PEAK1: variants seen among roughly 807,000 people sequenced by gnomAD.
The protein encoded by PEAK1 is pseudopodium enriched atypical kinase 1.
Under a neutral mutation model 124.7 loss-of-function variants are expected in PEAK1, and 54 were observed. The observed-to-expected ratio is 0.43, with a 90% CI of 0.35 to 0.54. The LOEUF is 0.54. Ranked by LOEUF, PEAK1 falls within the 20% of genes least tolerant of loss-of-function variation. The pLI is 0.01. For synonymous variants in PEAK1, 719 were observed against 760.0 expected (o/e 0.95, Z 0.89); for missense variants, 2,046 against 2,134.5 (o/e 0.96, Z 0.82).
At chr15:77,291,976 C>CAA (rs34817180) in intron 2 of PEAK1, among the ~76,000 whole-genome samples, 1 of 107,624 alleles carries the variant, frequency 9.3e-6, no homozygotes, top group African/African-American at 3.6e-5. Context: ...GACTCCGTCT[C>CAA]AAAAAAAAAA....
At chr15:77,373,299 C>G (rs2068775760) in intron 1 of PEAK1, among the ~76,000 whole-genome samples, 1 of 152,094 alleles carries the variant, frequency 6.6e-6, no homozygotes, top group African/African-American at 2.4e-5. Context: ...TTATGGAAGT[C>G]TTCCCTGGTT....
At chr15:77,337,722 A>C (rs562306814) in intron 2 of PEAK1, 1 of 985,368 alleles carries the variant, frequency 1.0e-6, no homozygotes, top group African/African-American at 1.7e-5. Context: ...ATTATAGCAC[A>C]GTTATGAACA....
chr15:77,158,733 G>C (rs748083959), intron 7 of PEAK1, 37 bp from the exon 8 acceptor site: 114 of 1,594,190 alleles, frequency 7.2e-5, no homozygotes, highest in Non-Finnish European at 9.6e-5. Flanking sequence ...ACTGGTATTG[G>C]AAGGTTCTAC....
chr15:77,381,402 G>T, intron 1 of PEAK1: 1 of 872,216 alleles, frequency 1.1e-6, no homozygotes, highest in African/African-American at 1.8e-5. Context: ...CTTCAGTTTG[G>T]GCAACATAGT....
chr15:77,413,272 A>T (rs763734042), intron 1 of PEAK1, among the ~76,000 whole-genome samples: 29 of 152,234 alleles, frequency 1.9e-4, no homozygotes, highest in Non-Finnish European at 2.5e-4. Context: ...CCCTCCAGGA[A>T]GTGGAGTTTA....
intron 1 of PEAK1, among the ~76,000 whole-genome samples, chr15:77,415,514 G>T (rs538213689): frequency 2.0e-5 from 3 of 152,230 alleles, no homozygotes; most frequent in African/African-American, 7.2e-5. Context: ...TCCTGCCCCA[G>T]CCTACTGAGT....
chr15:77,169,406 A>C (rs2056348695), intron 7 of PEAK1, among the ~76,000 whole-genome samples: 1 of 152,246 alleles, frequency 6.6e-6, no homozygotes, highest in African/African-American at 2.4e-5. Flanking sequence ...TTAACATGCA[A>C]GTAACTACGG....
At chr15:77,165,236 C>A (rs2152798668) in intron 7 of PEAK1, among the ~76,000 whole-genome samples, 1 of 150,764 alleles carries the variant, frequency 6.6e-6, no homozygotes, top group East Asian at 2.0e-4. Context: ...GCTCTGTGGC[C>A]CAGGCCGGAG....
intron 8 of PEAK1, among the ~76,000 whole-genome samples, chr15:77,147,349 G>A: frequency 6.6e-6 from 1 of 152,240 alleles, no homozygotes; most frequent in Non-Finnish European, 1.5e-5. Flanking sequence ...AGGATGTTGG[G>A]ATGCAGAAAG....
At chr15:77,226,062 T>TATATATATATA (rs1567137610) in intron 6 of PEAK1, among the ~76,000 whole-genome samples, 6 of 122,310 alleles carry the variant, frequency 4.9e-5, no homozygotes, top group African/African-American at 1.5e-4. Flanking sequence ...TATATATATA[T>TATATATATATA]ATATATATAT....
At chr15:77,309,375 C>T (rs2064297152) in intron 2 of PEAK1, among the ~76,000 whole-genome samples, 1 of 151,870 alleles carries the variant, frequency 6.6e-6, no homozygotes, top group African/African-American at 2.4e-5. Flanking sequence ...GAAGGAATGA[C>T]ATATAAGGCT....
At chr15:77,335,504 A>G (rs1043562421) in intron 2 of PEAK1, 1 of 984,958 alleles carries the variant, frequency 1.0e-6, no homozygotes, top group Non-Finnish European at 1.2e-6. Context: ...TTCAAGAGAC[A>G]GGGTCTGGCT....
At chr15:77,351,594 T>C in intron 2 of PEAK1, 1 of 532,694 alleles carries the variant, frequency 1.9e-6, no homozygotes, top group Non-Finnish European at 2.4e-6. Context: ...TGAGCCCGTA[T>C]GCTCAGGCCC....
chr15:77,248,454 T>C lies in PEAK1; in HGVS notation c.-115+3913A>G, dbSNP rs867993471. Reference sequence around the variant, plus strand: ...ATGCTGAAACCTAATCCCCAATGTGTTGTCATTTTGAGGTGGAGCCTTTGG... The same window carrying C: ...ATGCTGAAACCTAATCCCCAATGTGCTGTCATTTTGAGGTGGAGCCTTTGG... On this transcript the variant is annotated intron_variant, in intron 6 of 9. Coordinates refer to ENST00000682557, the MANE Select transcript of PEAK1 (RefSeq NM_001385026.1). Among the ~76,000 whole-genome samples, 12 of 152,348 alleles carry C rather than the reference T, an allele frequency of 7.9e-5. 1 individual carries two copies. In the Middle Eastern group the frequency reaches 0.014, roughly 173 times the overall value.
intron 8 of PEAK1, among the ~76,000 whole-genome samples, chr15:77,147,733 C>G (rs574948540): frequency 3.3e-5 from 5 of 152,256 alleles, no homozygotes; most frequent in African/African-American, 1.2e-4. Context: ...GTAAAATCAT[C>G]ATTCTGTGAG....
At chr15:77,383,381 G>A (rs933879985) in intron 1 of PEAK1, among the ~76,000 whole-genome samples, 1 of 152,154 alleles carries the variant, frequency 6.6e-6, no homozygotes, top group African/African-American at 2.4e-5. Context: ...TAGGAAATCT[G>A]CCTTGAGAAG....
At chr15:77,129,968 C>A (rs35258007) in intron 9 of PEAK1, among the ~76,000 whole-genome samples, 13,280 of 152,180 alleles carry the variant, frequency 0.087, 650 homozygotes, top group Non-Finnish European at 0.1. Context: ...GCACTTCTGG[C>A]AATACCAGAG....
chr15:77,193,285 T>C (rs1185418353), intron 6 of PEAK1, among the ~76,000 whole-genome samples: 1 of 152,234 alleles, frequency 6.6e-6, no homozygotes, highest in African/African-American at 2.4e-5. Context: ...GCACCTTTTA[T>C]AGTTTCATTT....
intron 1 of PEAK1, chr15:77,371,552 C>G: frequency 1.3e-6 from 1 of 791,938 alleles, no homozygotes; most frequent in Non-Finnish European, 1.5e-6. Flanking sequence ...ATCATCATGA[C>G]ATTTTTTTCT....
Sources: allele counts gnomAD v4.1 joint callset (sites outside exome capture counted in the v4.1 genomes callset), GRCh38; gene constraint gnomAD v4.1.1; transcripts MANE v1.5; gene names NCBI Gene and HGNC (gene_info 2026-07-23, HGNC 2026-07-21).